The following COLEC10 variants were observed in gnomAD, a reference collection of about 807,000 sequenced individuals.
The protein encoded by COLEC10 is collectin subfamily member 10, also known as collectin-10.
In COLEC10, 22 loss-of-function variants were observed where a neutral mutation model predicts 28.4. That is an observed-to-expected ratio of 0.78 (90% CI 0.55 to 1.11). The LOEUF (loss-of-function observed/expected upper bound fraction) is 1.11. Among genes scored for constraint, COLEC10 ranks in the 50% least tolerant of loss-of-function variants. The pLI, the probability that COLEC10 is intolerant of heterozygous loss-of-function variation, is 0.00. For synonymous variants in COLEC10, 125 were observed against 116.1 expected, an observed-to-expected ratio of 1.08 and a Z score of -0.49; for missense variants, 361 against 344.1, an observed-to-expected ratio of 1.05 and a Z score of -0.39.
At chr8:119,025,940 C>T (rs1355464129) in intron 2 of COLEC10, among the ~76,000 whole-genome samples, 1 of 152,136 alleles carries the variant, frequency 6.6e-6, no homozygotes, top group East Asian at 1.9e-4. Context: ...CAACAACTCA[C>T]TTGGATTGCT....
intron 2 of COLEC10, among the ~76,000 whole-genome samples, chr8:119,023,564 A>C (rs1814134509): frequency 6.6e-6 from 1 of 152,194 alleles, no homozygotes; most frequent in African/African-American, 2.4e-5. Context: ...AACCACAGTA[A>C]CTATTCATAT....
At chr8:118,992,995 G>A (rs1813528228), upstream of COLEC10, among the ~76,000 whole-genome samples, 1 of 152,186 alleles carries the variant, frequency 6.6e-6, no homozygotes. Context: ...GCTCTACAAT[G>A]GAATGGGCCA....
intron 2 of COLEC10, among the ~76,000 whole-genome samples, chr8:119,046,474 T>C (rs1814590218): frequency 6.6e-6 from 1 of 152,238 alleles, no homozygotes; most frequent in South Asian, 2.1e-4. Flanking sequence ...GTAGGTATCA[T>C]AAGTCCATAA....
chr8:119,092,268 C>G (rs929095791), intron 3 of COLEC10, among the ~76,000 whole-genome samples: 82 of 152,046 alleles, frequency 5.4e-4, no homozygotes, highest in African/African-American at 1.8e-3. Context: ...ACAGGGGTTT[C>G]TCTGTGCTAG....
chr8:119,018,007 G>A (rs1814024895), intron 2 of COLEC10, among the ~76,000 whole-genome samples: 1 of 152,106 alleles, frequency 6.6e-6, no homozygotes, highest in East Asian at 1.9e-4. Context: ...CATAGCCATC[G>A]GGAATTTTCA....
chr8:119,070,529 C>T (rs1308945626), intron 1 of COLEC10, among the ~76,000 whole-genome samples: 2 of 70,136 alleles, frequency 2.9e-5, no homozygotes, highest in Non-Finnish European at 5.4e-5. Flanking sequence ...TCCCTCCCTC[C>T]CTCCATCTCT....
chr8:118,976,866 T>C, the COLEC10 span, among the ~76,000 whole-genome samples: 1 of 152,042 alleles, frequency 6.6e-6, no homozygotes, highest in Non-Finnish European at 1.5e-5. Context: ...AAAGGGCTAA[T>C]ATCCAAAATC....
chr8:118,971,283 G>A, the COLEC10 span, among the ~76,000 whole-genome samples: 18 of 152,012 alleles, frequency 1.2e-4, no homozygotes, highest in Admixed American at 1.1e-3. Flanking sequence ...ACTCTTCCTT[G>A]CAAGGTCACC....
chr8:119,049,401 C>CTTTTT (rs34885340), intron 2 of COLEC10, among the ~76,000 whole-genome samples: 6,353 of 60,568 alleles, frequency 0.1, 277 homozygotes, highest in Non-Finnish European at 0.12. Context: ...ATTTTCTTTT[C>CTTTTT]TTTTTTTTTT....
At chr8:119,080,699 A>G (rs1397698963) in intron 1 of COLEC10, among the ~76,000 whole-genome samples, 4 of 152,128 alleles carry the variant, frequency 2.6e-5, no homozygotes, top group Non-Finnish European at 5.9e-5. Context: ...TATAAAATGA[A>G]GATGTAAAGA....
chr8:118,970,215 C>T, the COLEC10 span, among the ~76,000 whole-genome samples: 5 of 151,906 alleles, frequency 3.3e-5, no homozygotes, highest in Non-Finnish European at 5.9e-5. Context: ...TAATAAGTAG[C>T]CATAATCCTA....
chr8:119,015,005 T>A, intron 2 of COLEC10, among the ~76,000 whole-genome samples: 1 of 151,234 alleles, frequency 6.6e-6, no homozygotes. Context: ...CCTTAGCATA[T>A]TAACCATAGT....
In COLEC10 at chr8:119,095,579, G is replaced by A. The variant is rs551290677; in HGVS notation, c.292+4359G>A. 9.3e-4 allele frequency among the ~76,000 whole-genome samples: 141 copies of A among 152,268 alleles called. 1 individual carries two copies. The highest frequency in any genetic ancestry group is 6.6e-4 in the Non-Finnish European group (45 of 68,010). The stretch of plus-strand genomic sequence containing the variant: ...TAGCCTGGCATGGTAGTGCATGCCT[G>A]TAATCCTAGCTACTTGGAAGACTGA... On this transcript the variant is annotated intron_variant, in intron 3 of 5. Transcript: ENST00000332843.
At chr8:119,075,721 C>A (rs914983244) in intron 1 of COLEC10, among the ~76,000 whole-genome samples, 32 of 152,068 alleles carry the variant, frequency 2.1e-4, no homozygotes, top group African/African-American at 7.7e-4. Context: ...TGCTACTGCT[C>A]TTGCATGCGA....
At chr8:119,015,002 A>G (rs1377168349) in intron 2 of COLEC10, among the ~76,000 whole-genome samples, 2 of 151,136 alleles carry the variant, frequency 1.3e-5, no homozygotes, top group East Asian at 3.8e-4. Context: ...GGCCCTTAGC[A>G]TATTAACCAT....
intron 2 of COLEC10, among the ~76,000 whole-genome samples, chr8:119,040,023 C>T (rs547424421): frequency 6.6e-6 from 1 of 152,228 alleles, no homozygotes; most frequent in East Asian, 1.9e-4. Context: ...GGTTATTATT[C>T]TGCTTATCCC....
chr8:118,962,776 AC>A, the COLEC10 span, among the ~76,000 whole-genome samples: 1 of 152,072 alleles, frequency 6.6e-6, no homozygotes, highest in Non-Finnish European at 1.5e-5. Context: ...CATTTTCCAC[AC>A]CCCTCAGCCC....
the COLEC10 span, among the ~76,000 whole-genome samples, chr8:118,981,560 GAT>G: frequency 6.6e-6 from 1 of 151,964 alleles, no homozygotes; most frequent in Non-Finnish European, 1.5e-5. Context: ...GTAAAAATGA[GAT>G]ATTCAAATAT....
At chr8:118,981,256 A>G in the COLEC10 span, among the ~76,000 whole-genome samples, 6 of 152,130 alleles carry the variant, frequency 3.9e-5, no homozygotes, top group Non-Finnish European at 1.5e-5. Context: ...AAGAAAACAA[A>G]CACCATGCTT....
Sources: gnomAD v4.1 joint callset for allele counts (sites outside exome capture counted in the v4.1 genomes callset) on GRCh38, gnomAD v4.1.1 for gene constraint, MANE v1.5 for transcripts, NCBI Gene and HGNC (gene_info 2026-07-23, HGNC 2026-07-21) for gene names.